Variants in CHST9 observed in about 807,000 individuals in gnomAD.
The protein encoded by CHST9 is GalNAc-4-sulfotransferase 2.
In CHST9, 41 loss-of-function variants were observed where a neutral mutation model predicts 44.4. The observed-to-expected ratio is 0.92, with a 90% confidence interval of 0.72 to 1.20. The LOEUF (loss-of-function observed/expected upper bound fraction) is 1.20. Among genes scored for constraint, CHST9 ranks in the 50% most tolerant of loss-of-function variants. The pLI is 0.00. For synonymous variants in CHST9, 171 were observed against 178.4 expected (o/e 0.96, Z 0.33); for missense variants, 504 against 516.5 (o/e 0.98, Z 0.23).
intron 3 of CHST9, among the ~76,000 whole-genome samples, chr18:27,047,741 T>C (rs1282714169): frequency 6.6e-6 from 1 of 152,068 alleles, no homozygotes; most frequent in Non-Finnish European, 1.5e-5. Flanking sequence ...TTGGGAAGGA[T>C]GGCGGGCATA....
chr18:27,087,023 A>G (rs1324293663), intron 2 of CHST9, among the ~76,000 whole-genome samples: 1 of 152,212 alleles, frequency 6.6e-6, no homozygotes, highest in East Asian at 1.9e-4. Context: ...ATGTATAGAC[A>G]TATGAAGCAA....
At chr18:27,044,280 C>T (rs753486067) in intron 3 of CHST9, among the ~76,000 whole-genome samples, 13 of 152,032 alleles carry the variant, frequency 8.6e-5, no homozygotes, top group African/African-American at 1.7e-4. Context: ...ACATCTTATT[C>T]ACCTTTGCAT....
rs2055450342 is a variant in CHST9, at chr18:26,912,308, T to G, written c.*3951A>C. The G allele has an allele frequency of 6.6e-6, 1 of 151,870 alleles. No homozygotes were observed. The highest frequency in any genetic ancestry group is 2.4e-5 in the African/African-American group (1 of 41,302). The allele number at this position is 151,870 out of a possible 1,614,324, so 9.4% of individuals were successfully genotyped here. A position where few individuals can be genotyped will look rare whatever the true frequency, so the allele number is the denominator to read the frequency against. ...TAATTTCTTCCAAAGTCTTTGAACC[T>G]GTCAGTTTAACTCAGCAGGAATAAA... On this transcript the variant is annotated 3_prime_UTR_variant, in exon 6 of 6. Coordinates refer to ENST00000618847, the MANE Select transcript of CHST9 (RefSeq NM_031422.6).
chr18:27,166,138 G>T (rs1051266906), intron 1 of CHST9, among the ~76,000 whole-genome samples: 1 of 151,994 alleles, frequency 6.6e-6, no homozygotes, highest in South Asian at 2.1e-4. Context: ...TCCAAAAAAT[G>T]ACCTAATTTC....
intron 2 of CHST9, among the ~76,000 whole-genome samples, chr18:27,139,843 G>A (rs2058550182): frequency 6.6e-6 from 1 of 152,170 alleles, no homozygotes; most frequent in Non-Finnish European, 1.5e-5. Flanking sequence ...GGAAAATTAT[G>A]AACTCAAGTT....
chr18:27,165,120 C>A (rs2058779881), intron 1 of CHST9, among the ~76,000 whole-genome samples: 1 of 152,008 alleles, frequency 6.6e-6, no homozygotes, highest in African/African-American at 2.4e-5. Flanking sequence ...CAAATTGGAG[C>A]AAAACAGATG....
At chr18:27,171,797 G>T (rs1257849268) in intron 1 of CHST9, among the ~76,000 whole-genome samples, 1 of 152,098 alleles carries the variant, frequency 6.6e-6, no homozygotes, top group African/African-American at 2.4e-5. Flanking sequence ...CAATAATTAT[G>T]ATTTTCAGTG....
At chr18:27,061,509 A>C (rs371877570) in intron 2 of CHST9, among the ~76,000 whole-genome samples, 2 of 152,232 alleles carry the variant, frequency 1.3e-5, no homozygotes. Flanking sequence ...AGGAGGGCCC[A>C]GGTGTCTGTA....
intron 4 of CHST9, among the ~76,000 whole-genome samples, chr18:26,963,271 A>G (rs331991): frequency 0.38 from 57,935 of 151,808 alleles, 11,380 homozygotes; most frequent in East Asian, 0.49. Context: ...TGAAGGACTC[A>G]CTCCTCTGCC....
chr18:27,071,743 A>G (rs183023625), intron 2 of CHST9, among the ~76,000 whole-genome samples: 6 of 152,364 alleles, frequency 3.9e-5, no homozygotes, highest in Admixed American at 3.9e-4. Context: ...CATTATTCAT[A>G]TAAAAGTGAC....
chr18:27,053,295 AAGGAGAAGGAGAAGGAGAAGG>A (rs1488253012), intron 2 of CHST9, among the ~76,000 whole-genome samples: 1 of 136,346 alleles, frequency 7.3e-6, no homozygotes, highest in African/African-American at 2.8e-5. Flanking sequence ...GGAGAAGGAG[AAGGAGAAGGAGAAGGAGAAGG>A]AGAAGGAGAA....
chr18:26,915,395 T>C lies in CHST9; in HGVS notation c.*864A>G, dbSNP rs954964091. The C allele has an allele frequency of 1.0e-4, 16 of 156,128 alleles. No individual in the cohort carries two copies. The highest frequency in any genetic ancestry group is 3.6e-4 in the African/African-American group (15 of 41,746). The allele number at this position is 156,128 out of a possible 1,614,324, so 9.7% of individuals were successfully genotyped here. A position where few individuals can be genotyped will look rare whatever the true frequency, so the allele number is the denominator to read the frequency against. On this transcript the variant is annotated 3_prime_UTR_variant, in exon 6 of 6. Coordinates refer to ENST00000618847, the MANE Select transcript of CHST9 (RefSeq NM_031422.6). ...ACTTTGTTATTGTTTGAGTTCCATA[T>C]TCAGAATGGCAACTTTTGTTTTTGA...
At chr18:27,129,689 C>A (rs553401131) in intron 2 of CHST9, among the ~76,000 whole-genome samples, 2 of 152,162 alleles carry the variant, frequency 1.3e-5, no homozygotes, top group Non-Finnish European at 2.9e-5. Context: ...CACTGCATGA[C>A]CCTTGGTTTA....
chr18:27,163,150 T>C (rs1379681050), intron 1 of CHST9, among the ~76,000 whole-genome samples: 9 of 152,188 alleles, frequency 5.9e-5, no homozygotes, highest in Non-Finnish European at 7.3e-5. Context: ...CAGCAGATGT[T>C]GCTGCCTGAT....
chr18:27,086,659 A>G (rs2058015010), intron 2 of CHST9, among the ~76,000 whole-genome samples: 1 of 152,204 alleles, frequency 6.6e-6, no homozygotes, highest in South Asian at 2.1e-4. Context: ...GCTTAATATG[A>G]AACTAAAACA....
chr18:26,920,765 T>C (rs1196670456), intron 5 of CHST9, among the ~76,000 whole-genome samples: 1 of 152,268 alleles, frequency 6.6e-6, no homozygotes, highest in Non-Finnish European at 1.5e-5. Flanking sequence ...GATGAGAATC[T>C]GTGTTTAAAT....
chr18:27,046,695 C>T (rs996667410), intron 3 of CHST9, among the ~76,000 whole-genome samples: 2 of 152,044 alleles, frequency 1.3e-5, no homozygotes, highest in African/African-American at 4.8e-5. Flanking sequence ...ACAGTATGTT[C>T]CAATCTTGAA....
At chr18:27,001,926 G>C (rs138572476) in intron 4 of CHST9, among the ~76,000 whole-genome samples, 93 of 152,192 alleles carry the variant, frequency 6.1e-4, no homozygotes, top group African/African-American at 2.1e-3. Context: ...GGAATTATGA[G>C]ATAACAACCT....
At chr18:26,975,678 T>TAA (rs2056610448) in intron 4 of CHST9, among the ~76,000 whole-genome samples, 1 of 142,524 alleles carries the variant, frequency 7.0e-6, no homozygotes, top group Non-Finnish European at 1.5e-5. Flanking sequence ...TAAATATATG[T>TAA]ATATATGTGT....
Sources: allele counts gnomAD v4.1 joint callset (sites outside exome capture counted in the v4.1 genomes callset), GRCh38; gene constraint gnomAD v4.1.1; transcripts MANE v1.5; gene names NCBI Gene and HGNC (gene_info 2026-07-23, HGNC 2026-07-21).